AGBL1: variants seen among roughly 807,000 people sequenced by gnomAD.
AGBL1 encodes AGBL carboxypeptidase 1.
Under a neutral mutation model 118.9 loss-of-function variants are expected in AGBL1, and 130 were observed. The observed-to-expected ratio is 1.09, with a 90% CI of 0.95 to 1.26. AGBL1 has a LOEUF of 1.26. Among genes scored for constraint, AGBL1 ranks in the 50% most tolerant of loss-of-function variants. The probability of loss-of-function intolerance (pLI) is 0.00; values close to 1 mark genes in which losing one functional copy is unlikely to be tolerated. For synonymous variants in AGBL1, 555 were observed against 478.9 expected (o/e 1.16, Z -2.08); for missense variants, 1,584 against 1,298.1 (o/e 1.22, Z -3.38).
At chr15:86,448,038 C>T (rs954756070) in intron 18 of AGBL1, among the ~76,000 whole-genome samples, 7 of 151,594 alleles carry the variant, frequency 4.6e-5, no homozygotes, top group East Asian at 3.9e-4. Context: ...CCAGCTGTTC[C>T]GGAGGGTGTG....
chr15:86,397,025 CAGACCACAGAGGA>C (rs2081375452), intron 17 of AGBL1, among the ~76,000 whole-genome samples: 1 of 152,126 alleles, frequency 6.6e-6, no homozygotes, highest in South Asian at 2.1e-4. Flanking sequence ...TTGAGTCTTG[CAGACCACAGAGGA>C]AGATAGAAAA....
intron 22 of AGBL1, among the ~76,000 whole-genome samples, chr15:86,693,658 AAAGCCTTTGCCT>A (rs1292774409): frequency 6.6e-6 from 1 of 152,032 alleles, no homozygotes; most frequent in Non-Finnish European, 1.5e-5. Context: ...TCTTGGTCAT[AAAGCCTTTGCCT>A]AAGCCAATGC....
Position 86,893,802 on chromosome 15 carries a change from C to A in AGBL1, c.3159-13285C>A, listed in dbSNP as rs2080084898. 1.3e-5 allele frequency among the ~76,000 whole-genome samples: 2 copies of A among 152,140 alleles called. 1 individual carries two copies. The highest frequency in any genetic ancestry group is 4.1e-4 in the South Asian group (2 of 4,830). On this transcript the variant is annotated intron_variant, in intron 22 of 22. Transcript: ENST00000614907. ...GAGTGACTATGTGTGAGGTTCTATG[C>A]TATGGCATTTGTTTCTAAGTGCATC...
chr15:86,129,087 C>T (rs990852944), intron 1 of AGBL1, among the ~76,000 whole-genome samples: 1 of 152,008 alleles, frequency 6.6e-6, no homozygotes. Flanking sequence ...TATAACAGAA[C>T]CAAATACTGT....
At chr15:86,665,951 T>C (rs2085636768) in intron 21 of AGBL1, among the ~76,000 whole-genome samples, 1 of 152,196 alleles carries the variant, frequency 6.6e-6, no homozygotes, top group Non-Finnish European at 1.5e-5. Context: ...ATGTTTTATA[T>C]CAATACCGAA....
At chr15:86,757,759 C>T (rs1308916834) in intron 22 of AGBL1, among the ~76,000 whole-genome samples, 2 of 152,054 alleles carry the variant, frequency 1.3e-5, no homozygotes, top group Non-Finnish European at 2.9e-5. Flanking sequence ...TCTTTGCTGG[C>T]CCATTATGCC....
intron 17 of AGBL1, among the ~76,000 whole-genome samples, chr15:86,324,505 G>A (rs564930790): frequency 3.3e-5 from 5 of 150,618 alleles, no homozygotes; most frequent in African/African-American, 5.0e-5. Context: ...TAGTTTATAC[G>A]GCATTCATTC....
intron 5 of AGBL1, among the ~76,000 whole-genome samples, chr15:86,209,386 T>A (rs890286021): frequency 6.6e-6 from 1 of 152,204 alleles, no homozygotes; most frequent in African/African-American, 2.4e-5. Context: ...ACCTTCTGTC[T>A]CGTTGATCTG....
chr15:86,716,350 T>G (rs894562339), intron 22 of AGBL1, among the ~76,000 whole-genome samples: 1 of 152,034 alleles, frequency 6.6e-6, no homozygotes, highest in Non-Finnish European at 1.5e-5. Context: ...GGAAGTGTAG[T>G]GGGGTCCCAT....
intron 21 of AGBL1, among the ~76,000 whole-genome samples, chr15:86,652,349 A>G (rs1300630213): frequency 6.6e-6 from 1 of 152,148 alleles, no homozygotes; most frequent in Non-Finnish European, 1.5e-5. Flanking sequence ...CAGGGATCTC[A>G]GCCTCCTAAT....
intron 22 of AGBL1, among the ~76,000 whole-genome samples, chr15:86,857,025 A>G (rs1418464230): frequency 6.6e-6 from 1 of 152,118 alleles, no homozygotes; most frequent in Non-Finnish European, 1.5e-5. Context: ...ACCACCAGCC[A>G]CTTAGCTGCA....
chr15:86,680,172 C>T (rs1423819926), intron 22 of AGBL1, among the ~76,000 whole-genome samples: 1 of 152,114 alleles, frequency 6.6e-6, no homozygotes, highest in Non-Finnish European at 1.5e-5. Context: ...GTCTTATAAT[C>T]ATATTCAGAT....
At chr15:86,454,090 C>A (rs2082231666) in intron 18 of AGBL1, among the ~76,000 whole-genome samples, 1 of 152,042 alleles carries the variant, frequency 6.6e-6, no homozygotes, top group Admixed American at 6.6e-5. Flanking sequence ...TTGCCCTCAC[C>A]CATCTGTGTG....
At chr15:87,009,114 G>T (rs541073711) in intron 24 of AGBL1, among the ~76,000 whole-genome samples, 12 of 152,108 alleles carry the variant, frequency 7.9e-5, no homozygotes, top group Admixed American at 2.6e-4. Context: ...TGTCTCCAGG[G>T]CATATCAGAG....
chr15:86,753,415 T>TTTTTTTCTTTTTTTTTTTTTTTTTTC (rs35941815), intron 22 of AGBL1, among the ~76,000 whole-genome samples: 1 of 139,748 alleles, frequency 7.2e-6, no homozygotes, highest in Non-Finnish European at 1.5e-5. Context: ...TTTTTTTTTT[T>TTTTTTTCTTTTTTTTTTTTTTTTTTC]GAGACAGAGT....
At chr15:86,311,393 T>C (rs1409586328) in intron 17 of AGBL1, among the ~76,000 whole-genome samples, 1 of 152,202 alleles carries the variant, frequency 6.6e-6, no homozygotes, top group East Asian at 1.9e-4. Context: ...ATGGATAATA[T>C]GAATTTGAAG....
intron 21 of AGBL1, among the ~76,000 whole-genome samples, chr15:86,612,830 A>T (rs1208077777): frequency 6.6e-6 from 1 of 152,156 alleles, no homozygotes; most frequent in African/African-American, 2.4e-5. Context: ...GGCTTTATCT[A>T]CATGACAAGA....
At chr15:86,747,559 A>G (rs2077775288) in intron 22 of AGBL1, among the ~76,000 whole-genome samples, 1 of 152,146 alleles carries the variant, frequency 6.6e-6, no homozygotes, top group Non-Finnish European at 1.5e-5. Context: ...TACATGTGCC[A>G]TGTTGGTGTG....
At position 86,496,444 on chromosome 15, in the gene AGBL1, A is replaced by T. The variant is rs558001366; in HGVS notation, c.2556-26366A>T. 3.9e-5 allele frequency among the ~76,000 whole-genome samples: 6 copies of T among 152,194 alleles called. 1 individual carries two copies. The South Asian group carries it at 1.2e-3, about 32-fold the overall frequency. On this transcript the variant is annotated intron_variant, in intron 18 of 22. Coordinates refer to ENST00000614907, the MANE Select transcript of AGBL1 (RefSeq NM_001386094.1). Reference sequence around the variant, plus strand: ...TTCTGATAATCTGTTTTAAGTATGCATCCAGCAGAGATGATATAGCTTTTT... The same window carrying T: ...TTCTGATAATCTGTTTTAAGTATGCTTCCAGCAGAGATGATATAGCTTTTT...
Sources: gnomAD v4.1 joint callset for allele counts (sites outside exome capture counted in the v4.1 genomes callset) on GRCh38, gnomAD v4.1.1 for gene constraint, MANE v1.5 for transcripts, NCBI Gene and HGNC (gene_info 2026-07-23, HGNC 2026-07-21) for gene names.